The following FOCAD variants were observed in gnomAD, a reference collection of about 807,000 sequenced individuals.
The protein encoded by FOCAD is focadhesin, also known as KIAA1797.
FOCAD carries 198 observed loss-of-function variants against 225.6 expected under a neutral mutation model. The ratio of observed to expected loss-of-function variants is 0.88; its 90% CI spans 0.78 to 0.99. FOCAD has a LOEUF of 0.99. Among genes scored for constraint, FOCAD ranks in the 50% least tolerant of loss-of-function variants. FOCAD has a pLI of 0.00. For synonymous variants in FOCAD, 897 were observed against 755.0 expected (o/e 1.19, Z -3.08); for missense variants, 2,713 against 2,123.6 (o/e 1.28, Z -5.46).
At position 20,781,771 on chromosome 9, in the gene FOCAD, T is replaced by C. The variant is rs1296054257; in HGVS notation, c.1039T>C (p.Ser347Pro). 6.2e-7 allele frequency: 1 copy of C among 1,614,074 alleles called. No homozygotes were observed. The highest frequency in any genetic ancestry group is 8.5e-7 in the Non-Finnish European group (1 of 1,179,990). Reference protein sequence around the residue: ...SVTEDQKIPKSSLLLVMPILQ... With the variant: ...SVTEDQKIPKPSLLLVMPILQ... ...TACTGAGGATCAGAAAATCCCAAAG[T>C]CCTCTCTGCTGCTAGTGATGCCAAT... The change falls in exon 10 of 44, where the codon TCC (serine) becomes CCC (proline). Residue 347 changes from serine to proline, a missense_variant. Physicochemically the swap from Ser to Pro is moderately conservative, Grantham distance 74. Transcript: ENST00000338382.
chr9:20,807,643 T>C (rs1401264079), intron 11 of FOCAD, among the ~76,000 whole-genome samples: 1 of 152,244 alleles, frequency 6.6e-6, no homozygotes, highest in Non-Finnish European at 1.5e-5. Context: ...TCAGAGTAGC[T>C]ACATTTCAAA....
chr9:20,768,850 A>G (rs1817875906), intron 7 of FOCAD, among the ~76,000 whole-genome samples: 1 of 151,506 alleles, frequency 6.6e-6, no homozygotes, highest in South Asian at 2.1e-4. Context: ...ATATTATTAA[A>G]TAATATATTT....
intron 5 of FOCAD, among the ~76,000 whole-genome samples, chr9:20,751,011 G>A (rs1376133639): frequency 6.6e-6 from 1 of 152,040 alleles, no homozygotes; most frequent in African/African-American, 2.4e-5. Context: ...TTTATTATTG[G>A]TGAAGAAACT....
intron 33 of FOCAD, among the ~76,000 whole-genome samples, chr9:20,950,208 C>T (rs1587701316): frequency 6.6e-6 from 1 of 152,058 alleles, no homozygotes; most frequent in African/African-American, 2.4e-5. Flanking sequence ...AAAAATATCA[C>T]TGATGGTCCT....
chr9:20,974,155 T>C (rs375725743), intron 35 of FOCAD, among the ~76,000 whole-genome samples: 16 of 130,334 alleles, frequency 1.2e-4, no homozygotes, highest in East Asian at 2.5e-4. Context: ...CTCCTTTCTG[T>C]AGCTGTTTTT....
intron 15 of FOCAD, among the ~76,000 whole-genome samples, chr9:20,853,782 C>T (rs917896852): frequency 6.6e-6 from 1 of 151,688 alleles, no homozygotes; most frequent in African/African-American, 2.4e-5. Flanking sequence ...TAGTCTCAGA[C>T]ATTAAAAGGC....
At chr9:20,823,505 C>T (rs1824548435) in intron 15 of FOCAD, among the ~76,000 whole-genome samples, 1 of 152,010 alleles carries the variant, frequency 6.6e-6, no homozygotes. Context: ...ACTTTTATAG[C>T]TAAAAGATTG....
chr9:20,970,199 T>G (rs1839644064), intron 35 of FOCAD, among the ~76,000 whole-genome samples: 1 of 152,106 alleles, frequency 6.6e-6, no homozygotes, highest in East Asian at 1.9e-4. Flanking sequence ...TTTATCTTTC[T>G]TAGACTTTGT....
intron 1 of FOCAD, among the ~76,000 whole-genome samples, chr9:20,688,313 A>G (rs922592228): frequency 1.3e-5 from 2 of 152,182 alleles, no homozygotes; most frequent in African/African-American, 4.8e-5. Context: ...TGAATTCCAG[A>G]TATATTAAGG....
intron 2 of FOCAD, among the ~76,000 whole-genome samples, chr9:20,667,752 G>T (rs558532080): frequency 6.6e-6 from 1 of 152,092 alleles, no homozygotes; most frequent in South Asian, 2.1e-4. Context: ...GAGATTATGC[G>T]TGGAAAACCT....
chr9:20,948,667 A>G (rs1837411626), intron 31 of FOCAD, among the ~76,000 whole-genome samples, 184 bp from the exon 32 acceptor site: 1 of 152,186 alleles, frequency 6.6e-6, no homozygotes, highest in South Asian at 2.1e-4. Context: ...CCCATGATCT[A>G]ACAACCTTAA....
rs201024216 is a variant in FOCAD at position 20,808,048 on chromosome 9, G to GA, written c.1456-11737dup. Among the ~76,000 whole-genome samples the GA allele has an allele frequency of 3.1e-3, 436 of 142,248 alleles. 5 individuals carry two copies. In the East Asian group the frequency reaches 0.044, roughly 14 times the overall value. The allele number at this position is 142,248 out of a possible 152,430, so 93.3% of individuals were successfully genotyped here. A position where few individuals can be genotyped will look rare whatever the true frequency, so the allele number is the denominator to read the frequency against. On this transcript the variant is annotated intron_variant, in intron 11 of 43. Coordinates refer to ENST00000338382, the MANE Select transcript of FOCAD (RefSeq NM_001375567.1). ...GGCGACAGAGTGAGACTCCGTCTAAGAAAAAAAAAAAGAAAGAACGAAATA... is the reference window on the plus strand; with the variant it reads ...GGCGACAGAGTGAGACTCCGTCTAAGAAAAAAAAAAAAGAAAGAACGAAATA...
intron 17 of FOCAD, 75 bp downstream of exon 17, chr9:20,866,051 T>G (rs1161793557): frequency 7.9e-7 from 1 of 1,265,114 alleles, no homozygotes; most frequent in Non-Finnish European, 1.1e-6. Context: ...AATAAGACTC[T>G]TAGGATAAAA....
Position 20,919,924 on chromosome 9 carries a change from A to G in FOCAD, c.2852+2987A>G, listed in dbSNP as rs565935965. Among the ~76,000 whole-genome samples the G allele has an allele frequency of 6.2e-3, 941 of 151,894 alleles. 4 individuals carry two copies. The highest frequency in any genetic ancestry group is 0.021 in the African/African-American group (882 of 41,432). On this transcript the variant is annotated intron_variant, in intron 24 of 43. Transcript: ENST00000338382. Reference sequence around the variant, plus strand: ...TGGGCAAGGACTTCATGTCTAAAACACCAAAAGCAATGGCAACAAAAGCCA... The same window carrying G: ...TGGGCAAGGACTTCATGTCTAAAACGCCAAAAGCAATGGCAACAAAAGCCA...
chr9:20,739,054 T>C (rs868224784), intron 4 of FOCAD, among the ~76,000 whole-genome samples: 1 of 152,278 alleles, frequency 6.6e-6, no homozygotes, highest in South Asian at 2.1e-4. Context: ...TATTGGACTG[T>C]GCAGGTCTAC....
chr9:20,669,786 AAAAG>A (rs535496562), intron 2 of FOCAD, among the ~76,000 whole-genome samples: 174 of 152,290 alleles, frequency 1.1e-3, no homozygotes, highest in Non-Finnish European at 2.0e-3. Context: ...AAAAAAAAGA[AAAAG>A]AAAAAGATAA....
At chr9:20,864,017 G>A (rs10811417) in intron 16 of FOCAD, among the ~76,000 whole-genome samples, 83,079 of 151,612 alleles carry the variant, frequency 0.55, 23,016 homozygotes, top group East Asian at 0.67. Context: ...TTGTTCAGAC[G>A]GACTGCTTTG....
intron 38 of FOCAD, among the ~76,000 whole-genome samples, chr9:20,981,993 C>T (rs1291605917): frequency 1.3e-5 from 2 of 152,152 alleles, no homozygotes; most frequent in Admixed American, 6.5e-5. Flanking sequence ...ACGCTTTACA[C>T]CTGGAGAATC....
chr9:20,928,343 C>T (rs557796988), intron 26 of FOCAD, among the ~76,000 whole-genome samples: 2 of 152,236 alleles, frequency 1.3e-5, no homozygotes, highest in South Asian at 2.1e-4. Flanking sequence ...TAAAACAGTG[C>T]TATATTAATT....
Sources: allele counts gnomAD v4.1 joint callset (sites outside exome capture counted in the v4.1 genomes callset), GRCh38; gene constraint gnomAD v4.1.1; transcripts MANE v1.5; gene names NCBI Gene and HGNC (gene_info 2026-07-23, HGNC 2026-07-21).